The following GAS2 variants were observed in gnomAD, a reference collection of about 807,000 sequenced individuals.
GAS2 encodes the protein growth arrest-specific protein 2.
GAS2 carries 20 observed loss-of-function variants against 37.5 expected under a neutral mutation model. The ratio of observed to expected loss-of-function variants is 0.53; its 90% CI spans 0.37 to 0.77. The LOEUF (loss-of-function observed/expected upper bound fraction) is 0.77. GAS2 is among the 30% of genes least tolerant of loss of function. GAS2 has a pLI of 0.00. For synonymous variants in GAS2, 144 were observed against 132.2 expected (o/e 1.09, Z -0.61); for missense variants, 336 against 373.4 (o/e 0.90, Z 0.82).
At chr11:22,678,536 C>T (rs1046097589) in intron 2 of GAS2, among the ~76,000 whole-genome samples, 1 of 151,746 alleles carries the variant, frequency 6.6e-6, no homozygotes, top group East Asian at 1.9e-4. Flanking sequence ...CTCTGAATTC[C>T]TAGGTGAGGT....
intron 4 of GAS2, among the ~76,000 whole-genome samples, chr11:22,731,856 C>A (rs1313174413): frequency 6.6e-6 from 1 of 151,700 alleles, no homozygotes; most frequent in East Asian, 1.9e-4. Context: ...ATATTAATTT[C>A]TTTCCCAGGA....
At chr11:22,637,256 CTAATATATTAA>C (rs1565060621) in intron 1 of GAS2, among the ~76,000 whole-genome samples, 181 of 8,496 alleles carry the variant, frequency 0.021, no homozygotes, top group Non-Finnish European at 0.056. Context: ...TAATAGTATA[CTAATATATTAA>C]TTATATTAAT....
chr11:22,777,667 A>G (rs1291384851), intron 7 of GAS2, among the ~76,000 whole-genome samples: 1 of 152,182 alleles, frequency 6.6e-6, no homozygotes, highest in Non-Finnish European at 1.5e-5. Context: ...AACAATGAAT[A>G]CAGTTAGTTT....
chr11:22,731,920 A>G (rs1448008254), intron 4 of GAS2, among the ~76,000 whole-genome samples: 1 of 151,812 alleles, frequency 6.6e-6, no homozygotes, highest in East Asian at 1.9e-4. Context: ...TATGAAGTAC[A>G]TACTTCATTA....
chr11:22,731,920 A>C (rs1448008254), intron 4 of GAS2, among the ~76,000 whole-genome samples: 3 of 151,694 alleles, frequency 2.0e-5, no homozygotes, highest in Non-Finnish European at 2.9e-5. Context: ...TATGAAGTAC[A>C]TACTTCATTA....
intron 7 of GAS2, among the ~76,000 whole-genome samples, chr11:22,762,153 A>G (rs935074085): frequency 6.6e-6 from 1 of 152,144 alleles, no homozygotes; most frequent in Non-Finnish European, 1.5e-5. Context: ...TCTTGCCACA[A>G]TTAAATCTCA....
intron 1 of GAS2, among the ~76,000 whole-genome samples, chr11:22,652,621 C>T (rs1377339760): frequency 7.2e-5 from 11 of 152,314 alleles, no homozygotes; most frequent in South Asian, 4.1e-4. Flanking sequence ...TATAATCTCC[C>T]GGTGTGCTGT....
intron 6 of GAS2, among the ~76,000 whole-genome samples, chr11:22,754,578 T>C (rs952713822): frequency 1.3e-5 from 2 of 151,296 alleles, no homozygotes; most frequent in Non-Finnish European, 2.9e-5. Context: ...GATAAATTTA[T>C]GAGATAAATT....
At chr11:22,728,505 T>C (rs1476906215) in intron 4 of GAS2, among the ~76,000 whole-genome samples, 1 of 151,488 alleles carries the variant, frequency 6.6e-6, no homozygotes, top group East Asian at 1.9e-4. Flanking sequence ...AAATATATTC[T>C]GACATTATAA....
intron 3 of GAS2, among the ~76,000 whole-genome samples, chr11:22,697,761 A>G (rs1590658380): frequency 1.3e-5 from 2 of 152,272 alleles, no homozygotes; most frequent in Middle Eastern, 3.4e-3. Flanking sequence ...TTGTTGGTGT[A>G]TAAGAATGCT....
intron 1 of GAS2, among the ~76,000 whole-genome samples, chr11:22,634,309 A>G (rs1858790207): frequency 6.6e-6 from 1 of 152,134 alleles, no homozygotes; most frequent in Non-Finnish European, 1.5e-5. Flanking sequence ...GGTTCCTCCC[A>G]CAACATGTGG....
intron 2 of GAS2, among the ~76,000 whole-genome samples, chr11:22,680,895 G>A (rs11026730): frequency 0.025 from 3,778 of 152,118 alleles, 72 homozygotes; most frequent in East Asian, 0.067. Flanking sequence ...CTCTACCCTC[G>A]AATTGGGTGA....
intron 2 of GAS2, among the ~76,000 whole-genome samples, chr11:22,683,417 C>T (rs571189009): frequency 1.3e-5 from 2 of 152,210 alleles, no homozygotes; most frequent in South Asian, 4.2e-4. Context: ...AGGCATGTGC[C>T]ACAATACCTG....
At chr11:22,675,817 T>C (rs909314039) in intron 2 of GAS2, among the ~76,000 whole-genome samples, 2 of 152,196 alleles carry the variant, frequency 1.3e-5, no homozygotes, top group Non-Finnish European at 2.9e-5. Flanking sequence ...TCATCAACAC[T>C]ATTTTATTAT....
chr11:22,695,579 C>T (rs962061329), intron 3 of GAS2, among the ~76,000 whole-genome samples: 3 of 152,068 alleles, frequency 2.0e-5, no homozygotes, highest in Admixed American at 2.0e-4. Context: ...TCATCTGAGA[C>T]CAGGATCTGG....
chr11:22,808,090 ATC>A (rs1234257580), intron 7 of GAS2, among the ~76,000 whole-genome samples: 1 of 152,216 alleles, frequency 6.6e-6, no homozygotes, highest in Non-Finnish European at 1.5e-5. Context: ...GGATGAGATA[ATC>A]TCATGAAAAA....
chr11:22,792,831 A>T (rs1856236956), intron 7 of GAS2, among the ~76,000 whole-genome samples: 1 of 152,234 alleles, frequency 6.6e-6, no homozygotes, highest in Non-Finnish European at 1.5e-5. Flanking sequence ...AAAAATTTGG[A>T]AGTGAGCCCC....
chr11:22,674,743 A>G, intron 1 of GAS2, 107 bp from the exon 2 acceptor site: 1 of 777,594 alleles, frequency 1.3e-6, no homozygotes, highest in Non-Finnish European at 2.0e-6. Context: ...AATAAACTGA[A>G]CTGTCATCAG....
At chr11:22,733,415 G>C (rs1455364711) in intron 4 of GAS2, among the ~76,000 whole-genome samples, 1 of 151,586 alleles carries the variant, frequency 6.6e-6, no homozygotes, top group African/African-American at 2.4e-5. Flanking sequence ...TATTTTCTTC[G>C]ACATTACCAT....
Sources: gnomAD v4.1 joint callset for allele counts (sites outside exome capture counted in the v4.1 genomes callset) on GRCh38, gnomAD v4.1.1 for gene constraint, MANE v1.5 for transcripts, NCBI Gene and HGNC (gene_info 2026-07-23, HGNC 2026-07-21) for gene names.